Variants in SOX6 observed in about 807,000 individuals in gnomAD.
The protein encoded by SOX6 is SRY-box transcription factor 6, also known as transcription factor SOX-6.
In SOX6, 11 loss-of-function variants were observed where a neutral mutation model predicts 97.8. The ratio of observed to expected loss-of-function variants is 0.11; its 90% CI spans 0.07 to 0.19. The LOEUF is 0.19. SOX6 is among the 10% of genes least tolerant of loss of function. SOX6 has a pLI of 1.00. For synonymous variants in SOX6, 360 were observed against 371.4 expected (o/e 0.97, Z 0.35); for missense variants, 810 against 1,039.5 (o/e 0.78, Z 3.04).
At chr11:16,524,167 C>G (rs1195217381) in intron 4 of SOX6, among the ~76,000 whole-genome samples, 1 of 152,050 alleles carries the variant, frequency 6.6e-6, no homozygotes, top group Non-Finnish European at 1.5e-5. Context: ...CGGGCAGAGA[C>G]ACAAACAAAA....
At position 16,639,635 on chromosome 11, in the gene SOX6, G is replaced by A. The variant is rs557424575; in HGVS notation, n.430-27375C>T. Among the ~76,000 whole-genome samples the A allele has an allele frequency of 2.4e-3, 366 of 152,094 alleles. 1 individual carries two copies. Among genetic ancestry groups the A allele is most frequent in the African/African-American group, 7.9e-3 (327 of 41,494 alleles). ...CTCCTTGAAGAGGTCCTTCACATCC[G>A]TTTTAAGTTGGATTCCTAGGTATTT... On this transcript the variant is annotated intron_variant and non_coding_transcript_variant, in intron 3 of 5. Coordinates refer to the SOX6 transcript ENST00000524520.
intron 1 of SOX6, among the ~76,000 whole-genome samples, chr11:16,432,968 C>G (rs753790085): frequency 2.0e-5 from 3 of 151,970 alleles, no homozygotes; most frequent in Admixed American, 1.3e-4. Context: ...TGCTGTACAG[C>G]CAGTAATCTT....
At chr11:16,673,073 A>G (rs527376113) in intron 3 of SOX6, among the ~76,000 whole-genome samples, 1 of 152,282 alleles carries the variant, frequency 6.6e-6, no homozygotes, top group Non-Finnish European at 1.5e-5. Flanking sequence ...CTCTGCCTCA[A>G]AAACAAAAAC....
intron 15 of SOX6, among the ~76,000 whole-genome samples, chr11:15,976,911 C>T (rs1392234347): frequency 2.0e-5 from 3 of 152,054 alleles, no homozygotes; most frequent in South Asian, 2.1e-4. Context: ...CTCTAGGCCA[C>T]GAGTCTCCCT....
intron 3 of SOX6, among the ~76,000 whole-genome samples, chr11:16,704,199 A>G (rs1193862901): frequency 1.3e-5 from 2 of 152,194 alleles, no homozygotes; most frequent in African/African-American, 4.8e-5. Flanking sequence ...AATGATCTTC[A>G]TTTCATTCCT....
chr11:16,623,971 C>A (rs1009500525), intron 3 of SOX6, among the ~76,000 whole-genome samples: 10 of 152,108 alleles, frequency 6.6e-5, no homozygotes, highest in African/African-American at 2.4e-4. Context: ...ATATCTCCTG[C>A]CCCTTCTCAG....
Position 16,132,505 on chromosome 11 carries a change from A to AAAGAAAGAAAGAAAGAAAGC in SOX6, c.778-20583_778-20582insGCTTTCTTTCTTTCTTTCTT, listed in dbSNP as rs1451899878. Among the ~76,000 whole-genome samples, 120 of 86,156 alleles carry AAAGAAAGAAAGAAAGAAAGC rather than the reference A, an allele frequency of 1.4e-3. 14 individuals carry two copies. Among genetic ancestry groups the AAAGAAAGAAAGAAAGAAAGC allele is most frequent in the East Asian group, 2.1e-3 (6 of 2,922 alleles). The allele number at this position is 86,156 out of a possible 152,430, so 56.5% of individuals were successfully genotyped here. ...GAAAGAAAGAAAGAAAGAAAGAAAGAAAGCTTATCTTTGTATCTAGGAAGA... is the reference window on the plus strand; with the variant it reads ...GAAAGAAAGAAAGAAAGAAAGAAAGAAAGAAAGAAAGAAAGAAAGCAAGCTTATCTTTGTATCTAGGAAGA... On this transcript the variant is annotated intron_variant, in intron 6 of 15. Transcript: ENST00000683767.
intron 1 of SOX6, among the ~76,000 whole-genome samples, chr11:16,466,568 A>C (rs1860036030): frequency 6.6e-6 from 1 of 151,976 alleles, no homozygotes; most frequent in Non-Finnish European, 1.5e-5. Flanking sequence ...TTTGAAAACT[A>C]TACATCTGAT....
intron 4 of SOX6, among the ~76,000 whole-genome samples, chr11:16,491,997 AC>A (rs1860516343): frequency 6.6e-6 from 1 of 152,148 alleles, no homozygotes; most frequent in South Asian, 2.1e-4. Context: ...TGGAGAAATT[AC>A]CCATATCTTT....
At chr11:16,021,932 G>A (rs1218092954) in intron 12 of SOX6, among the ~76,000 whole-genome samples, 1 of 152,022 alleles carries the variant, frequency 6.6e-6, no homozygotes, top group Non-Finnish European at 1.5e-5. Flanking sequence ...TCAACCAGAA[G>A]AAGGTGAGGT....
intron 6 of SOX6, among the ~76,000 whole-genome samples, chr11:16,147,496 T>G (rs1564982779): frequency 6.6e-6 from 1 of 152,002 alleles, no homozygotes; most frequent in Non-Finnish European, 1.5e-5. Flanking sequence ...GAACTTAAAG[T>G]ATAATAATAA....
chr11:16,119,918 T>C (rs1263795962), intron 6 of SOX6, among the ~76,000 whole-genome samples: 8 of 152,162 alleles, frequency 5.3e-5, no homozygotes, highest in Non-Finnish European at 8.8e-5. Context: ...ACTAGAATCC[T>C]AGCAAGAGCA....
chr11:16,198,624 C>T (rs1851854628), intron 4 of SOX6, among the ~76,000 whole-genome samples: 1 of 152,104 alleles, frequency 6.6e-6, no homozygotes, highest in African/African-American at 2.4e-5. Context: ...AAAACAACCT[C>T]AGCAGTGGTG....
intron 6 of SOX6, among the ~76,000 whole-genome samples, chr11:16,114,794 G>C (rs913433565): frequency 6.6e-6 from 1 of 152,052 alleles, no homozygotes; most frequent in African/African-American, 2.4e-5. Flanking sequence ...TTATTTAGCA[G>C]CATCTTAGAA....
At chr11:16,118,604 G>A (rs555057456) in intron 6 of SOX6, among the ~76,000 whole-genome samples, 4 of 152,264 alleles carry the variant, frequency 2.6e-5, no homozygotes, top group East Asian at 1.9e-4. Flanking sequence ...GTTTGTCCCC[G>A]AAGACTTGCA....
rs566684833 is a variant in SOX6, at chr11:16,667,935, A to AG, written n.429+46894dup. On this transcript the variant is annotated intron_variant and non_coding_transcript_variant, in intron 3 of 5. Transcript: ENST00000524520. ...TAGAAACAACAAAAAGTTAAAAAGC[A>AG]GGGGGATGAAGTTAAAGTGTAATGC... Among the ~76,000 whole-genome samples, 38 of 152,330 alleles carry AG rather than the reference A, an allele frequency of 2.5e-4. No individual in the cohort carries two copies. In the East Asian group the frequency reaches 6.5e-3, roughly 26 times the overall value.
At chr11:16,133,725 G>T (rs935976424) in intron 6 of SOX6, among the ~76,000 whole-genome samples, 1 of 152,194 alleles carries the variant, frequency 6.6e-6, no homozygotes, top group African/African-American at 2.4e-5. Context: ...GTCTCGCTCT[G>T]TTGCCCAGGC....
intron 4 of SOX6, among the ~76,000 whole-genome samples, chr11:16,493,840 A>G (rs1343346092): frequency 1.3e-5 from 2 of 152,210 alleles, no homozygotes; most frequent in Non-Finnish European, 2.9e-5. Flanking sequence ...CAGCTACGAA[A>G]GGCAATTTGA....
chr11:16,073,534 C>T (rs549549279), intron 9 of SOX6, among the ~76,000 whole-genome samples: 6 of 152,196 alleles, frequency 3.9e-5, no homozygotes, highest in South Asian at 2.1e-4. Flanking sequence ...GACAGCTCAT[C>T]GAGCCAGAAA....
Sources: gnomAD v4.1 joint callset for allele counts (sites outside exome capture counted in the v4.1 genomes callset) on GRCh38, gnomAD v4.1.1 for gene constraint, MANE v1.5 for transcripts, NCBI Gene and HGNC (gene_info 2026-07-23, HGNC 2026-07-21) for gene names.